AKR1C3: variants seen among roughly 807,000 people sequenced by gnomAD.
AKR1C3 encodes aldo-keto reductase family 1 member C3.
In AKR1C3, 48 loss-of-function variants were observed where a neutral mutation model predicts 43.6. The observed-to-expected ratio is 1.10, with a 90% CI of 0.87 to 1.40. The LOEUF is 1.40. AKR1C3 is among the 40% of genes most tolerant of loss of function. The pLI is 0.00. For synonymous variants in AKR1C3, 162 were observed against 139.6 expected (o/e 1.16, Z -1.13); for missense variants, 482 against 391.2 (o/e 1.23, Z -1.96).
At position 5,107,613 on chromosome 10, in the gene AKR1C3, GTT is replaced by G; in HGVS notation, c.*112_*113del. The G allele has an allele frequency of 1.2e-6, 1 of 801,684 alleles. No homozygotes were observed. The highest frequency in any genetic ancestry group is 2.0e-6 in the Non-Finnish European group (1 of 494,618). The allele number at this position is 801,684 out of a possible 1,614,324, so 49.7% of individuals were successfully genotyped here. On this transcript the variant is annotated 3_prime_UTR_variant, in exon 9 of 9. Transcript: ENST00000380554. ...TATCACCTCTACTTAAATCCGTCCT[GTT>G]TAGCGACTTCAGTCAACTACAGCTG...
intron 1 of AKR1C3, among the ~76,000 whole-genome samples, chr10:5,078,605 C>T (rs1554782064): frequency 6.6e-6 from 1 of 152,126 alleles, no homozygotes; most frequent in Non-Finnish European, 1.5e-5. Context: ...AGTACCTGTT[C>T]GTGAGTTGAT....
rs1427985732 is a variant in AKR1C3 at position 5,098,032 on chromosome 10, G to T, written c.369+482G>T. The T allele has an allele frequency of 1.2e-5, 12 of 999,688 alleles. No homozygotes were observed. In the Admixed American group the frequency reaches 5.3e-4, roughly 44 times the overall value. 61.9% of individuals were successfully genotyped at this position (999,688 alleles called of 1,614,324 possible). Reference sequence around the variant, plus strand: ...TGGACTTGCAAAGCTTTATTATTCTGCTGCCTCTTCTTTCACAATAGAGTT... The same window carrying T: ...TGGACTTGCAAAGCTTTATTATTCTTCTGCCTCTTCTTTCACAATAGAGTT... On this transcript the variant is annotated intron_variant, in intron 3 of 8. Coordinates refer to ENST00000380554, the MANE Select transcript of AKR1C3 (RefSeq NM_003739.6).
intron 1 of AKR1C3, among the ~76,000 whole-genome samples, chr10:5,086,834 C>A (rs1308972061): frequency 1.3e-5 from 2 of 152,064 alleles, no homozygotes; most frequent in African/African-American, 4.8e-5. Flanking sequence ...TATGTAGTGG[C>A]CTTCTTTGTC....
intron 7 of AKR1C3, chr10:5,105,294 GT>G (rs1554786975): frequency 0.03 from 272 of 8,924 alleles, 3 homozygotes; most frequent in African/African-American, 0.07. Flanking sequence ...ACCCTATCAT[GT>G]GGGCACAATG....
chr10:5,071,407 A>G (rs369772240), intron 1 of AKR1C3, among the ~76,000 whole-genome samples: 25 of 152,330 alleles, frequency 1.6e-4, no homozygotes, highest in African/African-American at 5.3e-4. Flanking sequence ...CATGAGGACC[A>G]AATCAAATAT....
At chr10:5,085,916 G>A (rs1234039573) in intron 1 of AKR1C3, among the ~76,000 whole-genome samples, 34 of 151,806 alleles carry the variant, frequency 2.2e-4, no homozygotes, top group Non-Finnish European at 4.6e-4. Flanking sequence ...GGGATCGGTG[G>A]TGATATCCCC....
chr10:5,055,041 C>T (rs782098294), intron 1 of AKR1C3, among the ~76,000 whole-genome samples: 1 of 152,244 alleles, frequency 6.6e-6, no homozygotes, highest in Non-Finnish European at 1.5e-5. Context: ...AGCATACTTG[C>T]TATCTGTATA....
At chr10:5,102,070 A>C in intron 5 of AKR1C3, 31 bp from the exon 6 acceptor site, 1 of 1,331,098 alleles carries the variant, frequency 7.5e-7, no homozygotes, top group Non-Finnish European at 1.1e-6. Flanking sequence ...TTTCATATAA[A>C]TTGATGCTTC....
intron 1 of AKR1C3, among the ~76,000 whole-genome samples, chr10:5,053,767 G>A (rs1473256340): frequency 1.3e-5 from 2 of 152,242 alleles, no homozygotes; most frequent in African/African-American, 4.8e-5. Context: ...CCCTGCAGTT[G>A]TAGTGTCCTC....
intron 1 of AKR1C3, among the ~76,000 whole-genome samples, chr10:5,079,052 C>T (rs180701763): frequency 6.1e-4 from 93 of 152,310 alleles, no homozygotes; most frequent in African/African-American, 2.2e-3. Context: ...GCTAGACCTT[C>T]CAGTAGCCAG....
chr10:5,104,648 G>A (rs1554786792), intron 7 of AKR1C3, among the ~76,000 whole-genome samples: 1 of 152,070 alleles, frequency 6.6e-6, no homozygotes, highest in East Asian at 1.9e-4. Context: ...ATATTGTATT[G>A]AAACTGCAGT....
intron 1 of AKR1C3, among the ~76,000 whole-genome samples, chr10:5,066,869 A>G (rs577060539): frequency 1.3e-5 from 2 of 152,302 alleles, no homozygotes; most frequent in South Asian, 4.2e-4. Flanking sequence ...TAGGCCTTAC[A>G]GTAAAATTTG....
At chr10:5,049,155 A>C (rs538031397) in intron 1 of AKR1C3, among the ~76,000 whole-genome samples, 1 of 152,256 alleles carries the variant, frequency 6.6e-6, no homozygotes, top group East Asian at 1.9e-4. Context: ...ATAGCTTGTC[A>C]GAATCCATGA....
At chr10:5,058,682 T>C (rs1406675023) in intron 1 of AKR1C3, among the ~76,000 whole-genome samples, 2 of 152,210 alleles carry the variant, frequency 1.3e-5, no homozygotes, top group African/African-American at 4.8e-5. Flanking sequence ...TGGACCCTGC[T>C]GGTTGGAATA....
At chr10:5,075,852 C>T (rs1411516233) in intron 1 of AKR1C3, among the ~76,000 whole-genome samples, 1 of 146,520 alleles carries the variant, frequency 6.8e-6, no homozygotes, top group African/African-American at 2.5e-5. Context: ...CTAGCCTGGG[C>T]AATAAGAGCA....
intron 5 of AKR1C3, among the ~76,000 whole-genome samples, chr10:5,100,485 C>T (rs1325740966): frequency 6.6e-6 from 1 of 151,680 alleles, no homozygotes; most frequent in Admixed American, 6.6e-5. Flanking sequence ...TTTTTCATAG[C>T]TTAGGGATAA....
chr10:5,088,396 A>G (rs1330036540), intron 1 of AKR1C3, among the ~76,000 whole-genome samples: 1 of 152,006 alleles, frequency 6.6e-6, no homozygotes, highest in Non-Finnish European at 1.5e-5. Context: ...TTCTGTCTCA[A>G]TGATCTGCAA....
At chr10:5,101,985 C>T in intron 5 of AKR1C3, 116 bp from the exon 6 acceptor site, 7 of 639,438 alleles carry the variant, frequency 1.1e-5, no homozygotes, top group East Asian at 2.8e-5. Context: ...CAATAATATC[C>T]TCAGCTCAAA....
Position 5,074,864 on chromosome 10 carries a change from C to A in AKR1C3, c.85-21546C>A, listed in dbSNP as rs550703700. On this transcript the variant is annotated intron_variant, in intron 1 of 8. Transcript: ENST00000439082. ...AGACACAAATGCATTTCCGATTGTT[C>A]ACCTACCCCATTTTGTCTGTGTTAT... 7.2e-5 allele frequency among the ~76,000 whole-genome samples: 11 copies of A among 152,292 alleles called. No homozygotes were observed. The South Asian group carries it at 2.3e-3, about 32-fold the overall frequency.
Sources: gnomAD v4.1 joint callset for allele counts (sites outside exome capture counted in the v4.1 genomes callset) on GRCh38, gnomAD v4.1.1 for gene constraint, MANE v1.5 for transcripts, NCBI Gene and HGNC (gene_info 2026-07-23, HGNC 2026-07-21) for gene names.